PHF2: variants seen among roughly 807,000 people sequenced by gnomAD.
The protein encoded by PHF2 is PHD finger protein 2, also known as lysine-specific demethylase PHF2.
Under a neutral mutation model 120.5 loss-of-function variants are expected in PHF2, and 27 were observed. The observed-to-expected ratio is 0.22, with a 90% CI of 0.17 to 0.31. The LOEUF (loss-of-function observed/expected upper bound fraction) is 0.31. Among genes scored for constraint, PHF2 ranks in the 10% least tolerant of loss-of-function variants. The pLI is 1.00. For missense variants in PHF2, 1,024 were observed against 1,434.8 expected (o/e 0.71, Z 4.63); for synonymous variants, 568 against 592.5 (o/e 0.96, Z 0.60).
intron 5 of PHF2, among the ~76,000 whole-genome samples, chr9:93,651,934 C>T (rs533987872): frequency 5.9e-5 from 9 of 152,160 alleles, no homozygotes; most frequent in South Asian, 2.1e-4. Flanking sequence ...TCCTGTGGGC[C>T]GTGATGTGCC....
chr9:93,588,815 T>A (rs1366468995), intron 1 of PHF2, among the ~76,000 whole-genome samples: 3 of 152,110 alleles, frequency 2.0e-5, no homozygotes, highest in African/African-American at 7.2e-5. Flanking sequence ...CACTTGAACC[T>A]GGAAGGCAGA....
intron 5 of PHF2, 88 bp downstream of exon 5, chr9:93,649,300 C>T (rs1826316961): frequency 1.0e-5 from 11 of 1,083,632 alleles, no homozygotes; most frequent in Admixed American, 4.1e-5. Flanking sequence ...AAGCACAGGT[C>T]GAAGGTATCA....
chr9:93,645,861 C>G, intron 4 of PHF2, 72 bp downstream of exon 4: 1 of 1,473,606 alleles, frequency 6.8e-7, no homozygotes, highest in Non-Finnish European at 9.1e-7. Flanking sequence ...ACTGTGCATG[C>G]TGTTTCCCCA....
At chr9:93,622,603 TG>T (rs1449090762) in intron 1 of PHF2, among the ~76,000 whole-genome samples, 3 of 152,122 alleles carry the variant, frequency 2.0e-5, no homozygotes, top group African/African-American at 7.2e-5. Flanking sequence ...CTCTAGGAAC[TG>T]GAGGAGGTGG....
chr9:93,663,931 G>T (rs572907830), intron 14 of PHF2, among the ~76,000 whole-genome samples: 2 of 152,320 alleles, frequency 1.3e-5, no homozygotes, highest in Admixed American at 1.3e-4. Flanking sequence ...ATCAGGCCTA[G>T]ACACCAGCAG....
At chr9:93,581,296 A>G (rs564779019) in intron 1 of PHF2, among the ~76,000 whole-genome samples, 1 of 152,292 alleles carries the variant, frequency 6.6e-6, no homozygotes, top group African/African-American at 2.4e-5. Context: ...GCTGCAGGCC[A>G]GCTCTGTTGT....
At chr9:93,629,886 G>T in intron 1 of PHF2, 84 bp from the exon 2 acceptor site, 1 of 1,327,626 alleles carries the variant, frequency 7.5e-7, no homozygotes, top group Non-Finnish European at 1.1e-6. Flanking sequence ...CAATGAGCAG[G>T]GATTCTCCCT....
rs1194733242 is a variant in PHF2 at position 93,663,654 on chromosome 9, G to C, written c.1937+19G>C. The C allele has an allele frequency of 9.4e-6, 14 of 1,492,634 alleles. No homozygotes were observed. In the East Asian group the frequency reaches 3.2e-4, roughly 34 times the overall value. 92.5% of individuals were successfully genotyped at this position (1,492,634 alleles called of 1,614,324 possible). A position where few individuals can be genotyped will look rare whatever the true frequency, so the allele number is the denominator to read the frequency against. On this transcript the variant is annotated intron_variant, in intron 14 of 21. Transcript: ENST00000359246. ...TCCTCGGGTATGTGAGTGCCTGGAT[G>C]GGAGGGGTGACCTCGCGCATAACCG...
intron 1 of PHF2, among the ~76,000 whole-genome samples, chr9:93,608,007 G>GAA (rs1825572606): frequency 8.7e-6 from 1 of 115,516 alleles, no homozygotes. Context: ...GAGAGAGAGA[G>GAA]AGAAGGAAAG....
chr9:93,594,505 C>T (rs563490293), intron 1 of PHF2, among the ~76,000 whole-genome samples: 6 of 152,186 alleles, frequency 3.9e-5, no homozygotes, highest in Admixed American at 6.5e-5. Flanking sequence ...CAGCTGTCAT[C>T]GGGTGTACTT....
At chr9:93,675,160 C>T (rs748859311) in intron 19 of PHF2, 138 bp downstream of exon 19, 43 of 685,716 alleles carry the variant, frequency 6.3e-5, no homozygotes, top group African/African-American at 1.3e-4. Flanking sequence ...CAGCCCGTCC[C>T]GCTGGGGTTG....
chr9:93,607,964 G>GAGAGA (rs1825570881), intron 1 of PHF2, among the ~76,000 whole-genome samples: 26 of 87,288 alleles, frequency 3.0e-4, no homozygotes, highest in Admixed American at 7.4e-4. Context: ...AGAGAGAGAG[G>GAGAGA]GAAAGAGATG....
chr9:93,663,129 A>G (rs1247411548), intron 13 of PHF2, 103 bp downstream of exon 13: 1 of 1,496,714 alleles, frequency 6.7e-7, no homozygotes, highest in Non-Finnish European at 9.1e-7. Flanking sequence ...ATGTGCAGAC[A>G]TGTGTCTGCT....
At chr9:93,583,591 T>G (rs1862974018) in intron 1 of PHF2, among the ~76,000 whole-genome samples, 1 of 152,142 alleles carries the variant, frequency 6.6e-6, no homozygotes, top group African/African-American at 2.4e-5. Flanking sequence ...TTTTTTAAAT[T>G]AAAGCTATTC....
At chr9:93,623,540 G>A (rs1825858080) in intron 1 of PHF2, among the ~76,000 whole-genome samples, 1 of 152,192 alleles carries the variant, frequency 6.6e-6, no homozygotes, top group Non-Finnish European at 1.5e-5. Flanking sequence ...TAAACTTCAT[G>A]AAGGAAGAAT....
chr9:93,658,328 TC>T, intron 10 of PHF2, 92 bp downstream of exon 10: 1 of 985,920 alleles, frequency 1.0e-6, no homozygotes, highest in East Asian at 2.6e-5. Flanking sequence ...CCAGGACTTG[TC>T]CTGCTTCAGT....
intron 9 of PHF2, 118 bp from the exon 10 acceptor site, chr9:93,658,027 C>T (rs764444657): frequency 6.0e-5 from 40 of 665,654 alleles, no homozygotes; most frequent in African/African-American, 4.1e-4. Context: ...TGGCCATGGG[C>T]GGAGGGAGAC....
intron 1 of PHF2, among the ~76,000 whole-genome samples, chr9:93,615,145 GTAA>G (rs1825705069): frequency 6.7e-6 from 1 of 150,208 alleles, no homozygotes; most frequent in Admixed American, 6.6e-5. Flanking sequence ...GATGGTGATA[GTAA>G]TGGTGATGAT....
At chr9:93,654,371 C>T in intron 6 of PHF2, 42 bp from the exon 7 acceptor site, 1 of 1,594,114 alleles carries the variant, frequency 6.3e-7, no homozygotes, top group Non-Finnish European at 8.6e-7. Context: ...CCGACCCCCG[C>T]ATCCCAGTAT....
Sources: gnomAD v4.1 joint callset for allele counts (sites outside exome capture counted in the v4.1 genomes callset) on GRCh38, gnomAD v4.1.1 for gene constraint, MANE v1.5 for transcripts, NCBI Gene and HGNC (gene_info 2026-07-23, HGNC 2026-07-21) for gene names.